Variants in SBF2 observed in about 807,000 individuals in gnomAD.
The protein encoded by SBF2 is myotubularin-related protein 13.
In SBF2, 112 loss-of-function variants were observed where a neutral mutation model predicts 225.2. The observed-to-expected ratio is 0.50, with a 90% confidence interval of 0.43 to 0.58. The LOEUF is 0.58. Ranked by LOEUF, SBF2 falls within the 20% of genes least tolerant of loss-of-function variation. The pLI is 0.00. For synonymous variants in SBF2, 763 were observed against 773.3 expected (o/e 0.99, Z 0.22); for missense variants, 1,996 against 2,206.2 (o/e 0.90, Z 1.91).
At chr11:9,910,524 C>G (rs955297689) in intron 16 of SBF2, among the ~76,000 whole-genome samples, 1 of 151,972 alleles carries the variant, frequency 6.6e-6, no homozygotes, top group Non-Finnish European at 1.5e-5. Context: ...AGTAGGTATT[C>G]TAGAAGGCAC....
intron 6 of SBF2, among the ~76,000 whole-genome samples, chr11:10,018,340 A>C (rs1279159402): frequency 2.6e-5 from 4 of 152,170 alleles, no homozygotes; most frequent in African/African-American, 7.2e-5. Context: ...ACATAAAATA[A>C]TAGAGCTATG....
intron 30 of SBF2, among the ~76,000 whole-genome samples, chr11:9,811,908 G>T (rs1269488281): frequency 6.6e-6 from 1 of 152,096 alleles, no homozygotes; most frequent in Non-Finnish European, 1.5e-5. Flanking sequence ...TTGAGGCCAG[G>T]AGTTCAAGAC....
intron 2 of SBF2, among the ~76,000 whole-genome samples, chr11:10,112,623 G>A (rs963788785): frequency 1.3e-5 from 2 of 152,182 alleles, no homozygotes; most frequent in Non-Finnish European, 2.9e-5. Context: ...TAATAAGTCA[G>A]TTAGCAAACA....
intron 6 of SBF2, among the ~76,000 whole-genome samples, chr11:10,028,018 A>G (rs993180541): frequency 3.3e-5 from 5 of 152,134 alleles, no homozygotes; most frequent in African/African-American, 1.2e-4. Context: ...CAAGTGATAC[A>G]TCTACCTCAG....
chr11:9,878,606 T>C (rs1196359372), intron 17 of SBF2, among the ~76,000 whole-genome samples: 1 of 152,218 alleles, frequency 6.6e-6, no homozygotes, highest in Non-Finnish European at 1.5e-5. Context: ...GTCTTGCACA[T>C]CTTGGCATCA....
Position 10,294,115 on chromosome 11 carries a change from C to G in SBF2, c.-46G>C. 3 of 1,280,206 alleles carry G rather than the reference C, an allele frequency of 2.3e-6. No individual in the cohort carries two copies. The highest frequency in any genetic ancestry group is 3.0e-6 in the Non-Finnish European group (3 of 1,005,896). 79.3% of individuals were successfully genotyped at this position (1,280,206 alleles called of 1,614,324 possible). A position where few individuals can be genotyped will look rare whatever the true frequency, so the allele number is the denominator to read the frequency against. On this transcript the variant is annotated 5_prime_UTR_variant, in exon 1 of 40. Coordinates refer to ENST00000256190, the MANE Select transcript of SBF2 (RefSeq NM_030962.4). ...GGAAGCGGGTCCCCGTCGCCGCCCT[C>G]GCCGCCGCCGCCCACCCGGCCCGGG...
At chr11:9,890,949 C>A (rs779413399) in intron 17 of SBF2, among the ~76,000 whole-genome samples, 1 of 151,972 alleles carries the variant, frequency 6.6e-6, no homozygotes, top group Non-Finnish European at 1.5e-5. Flanking sequence ...GCCTGGCCAA[C>A]GTGGTGAATC....
At chr11:10,193,206 T>C (rs1168579430) in intron 2 of SBF2, among the ~76,000 whole-genome samples, 3 of 152,104 alleles carry the variant, frequency 2.0e-5, no homozygotes, top group African/African-American at 7.2e-5. Flanking sequence ...TTTTTTGTTT[T>C]GTTTTTACTA....
chr11:10,081,518 G>A (rs1479770330), intron 2 of SBF2, among the ~76,000 whole-genome samples: 1 of 152,112 alleles, frequency 6.6e-6, no homozygotes, highest in Non-Finnish European at 1.5e-5. Context: ...CAGCACTTTG[G>A]GAGGCTGAGA....
chr11:9,881,045 G>A (rs4910071), intron 17 of SBF2, among the ~76,000 whole-genome samples: 30,290 of 152,084 alleles, frequency 0.2, 3,532 homozygotes, highest in Non-Finnish European at 0.25. Context: ...GGAGTCAATG[G>A]TGGTTTTAAG....
chr11:9,785,049 T>A, intron 37 of SBF2, 76 bp downstream of exon 37: 2 of 1,264,446 alleles, frequency 1.6e-6, no homozygotes, highest in Non-Finnish European at 2.3e-6. Flanking sequence ...AGGCCTAGCT[T>A]ATTGAGGGAC....
chr11:9,916,005 A>G (rs112344928), intron 16 of SBF2, among the ~76,000 whole-genome samples: 11,482 of 152,258 alleles, frequency 0.075, 704 homozygotes, highest in East Asian at 0.28. Flanking sequence ...CGGAGGTTGC[A>G]GTGAGCCAAG....
chr11:9,814,743 CA>C (rs1430666935), intron 29 of SBF2, among the ~76,000 whole-genome samples: 1 of 152,174 alleles, frequency 6.6e-6, no homozygotes, highest in Non-Finnish European at 1.5e-5. Context: ...GTTTACTTTT[CA>C]GGAAAGGTAG....
intron 2 of SBF2, among the ~76,000 whole-genome samples, chr11:10,101,949 G>T (rs1487019644): frequency 1.3e-5 from 2 of 152,026 alleles, no homozygotes; most frequent in Non-Finnish European, 2.9e-5. Flanking sequence ...ACCAATACTA[G>T]ATGAAACTTT....
intron 17 of SBF2, among the ~76,000 whole-genome samples, chr11:9,873,120 C>T (rs919154473): frequency 1.4e-5 from 2 of 145,800 alleles, no homozygotes; most frequent in East Asian, 2.1e-4. Context: ...GCAGGAGAAT[C>T]GCTTGAACCC....
chr11:9,968,304 A>C, intron 14 of SBF2, 37 bp downstream of exon 14: 1 of 1,586,984 alleles, frequency 6.3e-7, no homozygotes, highest in South Asian at 1.1e-5. Context: ...CATCCTTATA[A>C]ACAGTTTACT....
chr11:9,831,061 C>T (rs1368902965), intron 27 of SBF2, among the ~76,000 whole-genome samples: 1 of 152,100 alleles, frequency 6.6e-6, no homozygotes, highest in Non-Finnish European at 1.5e-5. Context: ...TGCAGTGGTG[C>T]AATCGTGGCT....
chr11:10,214,684 T>C (rs958325155), intron 1 of SBF2, among the ~76,000 whole-genome samples: 7 of 152,176 alleles, frequency 4.6e-5, no homozygotes, highest in Admixed American at 2.6e-4. Context: ...CTTTCCTAAA[T>C]GGATCATCAA....
chr11:9,822,549 C>T (rs1378652924), intron 28 of SBF2, among the ~76,000 whole-genome samples: 2 of 152,098 alleles, frequency 1.3e-5, no homozygotes, highest in South Asian at 2.1e-4. Flanking sequence ...CGTGAGCCAC[C>T]GCACCCGGCC....
Sources: allele counts gnomAD v4.1 joint callset (sites outside exome capture counted in the v4.1 genomes callset), GRCh38; gene constraint gnomAD v4.1.1; transcripts MANE v1.5; gene names NCBI Gene and HGNC (gene_info 2026-07-23, HGNC 2026-07-21).